ADAMDEC1: variants seen among roughly 807,000 people sequenced by gnomAD.
The protein encoded by ADAMDEC1 is ADAM DEC1.
A neutral mutation model predicts 60.4 loss-of-function variants in ADAMDEC1; 62 were observed. The observed-to-expected ratio is 1.03, with a 90% CI of 0.84 to 1.27. The LOEUF (loss-of-function observed/expected upper bound fraction) is 1.27, where lower values mean the gene tolerates loss of function less well. Among genes scored for constraint, ADAMDEC1 ranks in the 50% most tolerant of loss-of-function variants. The pLI is 0.00. For missense variants in ADAMDEC1, 595 were observed against 565.0 expected (o/e 1.05, Z -0.54); for synonymous variants, 210 against 195.1 (o/e 1.08, Z -0.64).
intron 1 of ADAMDEC1, among the ~76,000 whole-genome samples, chr8:24,389,356 A>G (rs1426434478): frequency 6.6e-6 from 1 of 152,114 alleles, no homozygotes; most frequent in Non-Finnish European, 1.5e-5. Flanking sequence ...TTCTATATCC[A>G]ATCCTTCACC....
intron 1 of ADAMDEC1, among the ~76,000 whole-genome samples, chr8:24,392,018 TC>T (rs1585805119): frequency 6.6e-6 from 1 of 151,948 alleles, no homozygotes; most frequent in East Asian, 1.9e-4. Flanking sequence ...TGAGAGATCA[TC>T]TAAAGAATTG....
chr8:24,400,869 G>A (rs558034120), intron 11 of ADAMDEC1, among the ~76,000 whole-genome samples: 23 of 142,210 alleles, frequency 1.6e-4, no homozygotes, highest in African/African-American at 5.0e-4. Context: ...TCCCACCTAT[G>A]AGTAAGAAAA....
At chr8:24,388,786 A>G (rs1425493600) in intron 1 of ADAMDEC1, among the ~76,000 whole-genome samples, 2 of 152,196 alleles carry the variant, frequency 1.3e-5, no homozygotes, top group African/African-American at 4.8e-5. Flanking sequence ...CATGGTGGGC[A>G]GGTCTACGCA....
intron 13 of ADAMDEC1, among the ~76,000 whole-genome samples, chr8:24,404,742 A>T (rs967036203): frequency 6.6e-6 from 1 of 152,190 alleles, no homozygotes; most frequent in Non-Finnish European, 1.5e-5. Flanking sequence ...TCTTTTCTGG[A>T]ATTGAAACTG....
chr8:24,397,278 T>G lies in ADAMDEC1; in HGVS notation c.449T>G (p.Phe150Cys). The change falls in exon 6 of 14, where the codon TTC becomes TGC. Residue 150 changes from phenylalanine (F) to cysteine (C), a missense_variant. Transcript: ENST00000256412. ...GTCTCTATATCTCCCAGAGGATACT[T>G]CACACATCATCACCAAAGATACCAG... is the stretch of plus-strand genomic sequence containing the variant. ...ISTCDGLRGY[F>C]THHHQRYQIK... 7 of 1,612,616 alleles carry G rather than the reference T, an allele frequency of 4.3e-6. No homozygotes were observed. Among genetic ancestry groups the G allele is most frequent in the Non-Finnish European group, 5.9e-6 (7 of 1,179,550 alleles).
intron 9 of ADAMDEC1, 89 bp from the exon 10 acceptor site, chr8:24,399,304 C>T: frequency 1.5e-6 from 2 of 1,338,318 alleles, no homozygotes; most frequent in Non-Finnish European, 1.1e-6. Context: ...AAGGCTAGGG[C>T]AGCGAGGCAA....
intron 1 of ADAMDEC1, among the ~76,000 whole-genome samples, chr8:24,389,491 T>C (rs1052775903): frequency 2.0e-5 from 3 of 152,112 alleles, no homozygotes; most frequent in Non-Finnish European, 2.9e-5. Flanking sequence ...TCCTCCTAAA[T>C]GAGCTCTCTG....
chr8:24,402,098 A>G lies in ADAMDEC1; in HGVS notation c.1320+6A>G, dbSNP rs1817780901. On this transcript the variant is annotated splice_donor_region_variant and intron_variant, in intron 12 of 13. Transcript: ENST00000256412. ...GTGATTGTGGCTCTCCTAAGGTATT[A>G]TTTATTAGAATTATTGGGGCAGAAG... The G allele has an allele frequency of 5.7e-6, 9 of 1,581,156 alleles. No homozygotes were observed. The highest frequency in any genetic ancestry group is 7.7e-6 in the Non-Finnish European group (9 of 1,165,044).
At chr8:24,396,295 G>T in intron 5 of ADAMDEC1, among the ~76,000 whole-genome samples, 1 of 152,166 alleles carries the variant, frequency 6.6e-6, no homozygotes, top group South Asian at 2.1e-4. Flanking sequence ...CAGATCAGGA[G>T]GTCAGAAGAT....
In ADAMDEC1 at chr8:24,398,494, T is replaced by A. The variant is rs146781020; in HGVS notation, c.705T>A (p.Asn235Lys). Residue 235 changes from asparagine (N) to lysine (K), a missense_variant, in exon 8 of 14, where the codon AAT becomes AAA. Transcript: ENST00000256412. ...GTATTTTACAGTATAAGAACTATAA[T>A]GAGAATCTAACTCTGATAAGAAGCT... is the stretch of plus-strand genomic sequence containing the variant. ...VLDNAFYKNY[N>K]ENLTLIRSFV... The A allele has an allele frequency of 3.7e-4, 592 of 1,588,058 alleles. No homozygotes were observed. In the African/African-American group the frequency reaches 6.5e-3, roughly 17 times the overall value.
At position 24,404,031 on chromosome 8, in the gene ADAMDEC1, T is replaced by TA; in HGVS notation, c.1351dup (p.Thr451AsnfsTer3). The TA allele has an allele frequency of 6.2e-7, 1 of 1,613,748 alleles. No homozygotes were observed. The highest frequency in any genetic ancestry group is 8.5e-7 in the Non-Finnish European group (1 of 1,179,770). On this transcript the variant is annotated frameshift_variant, in exon 13 of 14. Transcript: ENST00000256412. LOFTEE classifies it high-confidence loss of function. Reference sequence around the variant, plus strand: ...TGTACCAATCTCTGCTGTGAAGCCCTAACGTGTAAACTGAAGCCTGGAACT... The same window carrying TA: ...TGTACCAATCTCTGCTGTGAAGCCCTAAACGTGTAAACTGAAGCCTGGAACT...
At chr8:24,398,104 A>G (rs1817663691) in intron 7 of ADAMDEC1, among the ~76,000 whole-genome samples, 1 of 151,030 alleles carries the variant, frequency 6.6e-6, no homozygotes, top group Non-Finnish European at 1.5e-5. Context: ...ACAAAACTCT[A>G]TATAACTTAG....
intron 1 of ADAMDEC1, among the ~76,000 whole-genome samples, chr8:24,386,190 G>A (rs926843601): frequency 3.3e-5 from 5 of 152,072 alleles, no homozygotes; most frequent in African/African-American, 1.2e-4. Flanking sequence ...AACAATGAAA[G>A]CTATTATTTT....
intron 11 of ADAMDEC1, among the ~76,000 whole-genome samples, chr8:24,401,234 T>C (rs1031770749): frequency 6.6e-6 from 1 of 152,154 alleles, no homozygotes; most frequent in Non-Finnish European, 1.5e-5. Flanking sequence ...GATTTCCAAA[T>C]ATGCCAAGAT....
At chr8:24,384,632 T>G in intron 1 of ADAMDEC1, 40 bp downstream of exon 1, 1 of 1,549,710 alleles carries the variant, frequency 6.5e-7, no homozygotes, top group Non-Finnish European at 8.8e-7. Flanking sequence ...AAAAGTCAAA[T>G]TATTTGATGA....
chr8:24,400,528 T>A (rs2129361911), intron 11 of ADAMDEC1, among the ~76,000 whole-genome samples: 1 of 152,022 alleles, frequency 6.6e-6, no homozygotes, highest in African/African-American at 2.4e-5. Flanking sequence ...CTTAACCTAG[T>A]CTTGGATTAC....
intron 1 of ADAMDEC1, chr8:24,387,478 C>A (rs1817323342): frequency 6.6e-6 from 1 of 152,106 alleles, no homozygotes; most frequent in Non-Finnish European, 1.5e-5. Context: ...GGACCCGTTG[C>A]CCTTGTGCAT....
intron 1 of ADAMDEC1, among the ~76,000 whole-genome samples, chr8:24,388,384 C>G (rs1057321655): frequency 3.3e-5 from 5 of 152,142 alleles, no homozygotes; most frequent in Non-Finnish European, 7.4e-5. Flanking sequence ...GTTTTCATCT[C>G]CAACACTCCA....
chr8:24,390,836 C>T (rs1371692796), intron 1 of ADAMDEC1, among the ~76,000 whole-genome samples: 21 of 151,724 alleles, frequency 1.4e-4, no homozygotes, highest in Non-Finnish European at 1.5e-5. Context: ...AGGTTTTTGG[C>T]TAAATCACAT....
Sources: allele counts gnomAD v4.1 joint callset (sites outside exome capture counted in the v4.1 genomes callset), GRCh38; gene constraint gnomAD v4.1.1; transcripts MANE v1.5; gene names NCBI Gene and HGNC (gene_info 2026-07-23, HGNC 2026-07-21).